Variants in TLE3 observed in about 807,000 individuals in gnomAD.
TLE3 encodes the protein transducin-like enhancer protein 3.
In TLE3, 14 loss-of-function variants were observed where a neutral mutation model predicts 93.0. That is an observed-to-expected ratio of 0.15 (90% CI 0.10 to 0.24). The LOEUF (loss-of-function observed/expected upper bound fraction) is 0.24, where lower values mean the gene tolerates loss of function less well. TLE3 is among the 10% of genes least tolerant of loss of function. The probability of loss-of-function intolerance (pLI) is 1.00; values close to 1 mark genes in which losing one functional copy is unlikely to be tolerated. For synonymous variants in TLE3, 451 were observed against 425.0 expected, an observed-to-expected ratio of 1.06 and a Z score of -0.75; for missense variants, 693 against 1,046.6, an observed-to-expected ratio of 0.66 and a Z score of 4.66.
chr15:70,059,264 C>CCCCT, intron 10 of TLE3, 146 bp downstream of exon 10: 2 of 930,400 alleles, frequency 2.1e-6, no homozygotes, highest in Non-Finnish European at 3.2e-6. Flanking sequence ...TCCTCTTGAC[C>CCCCT]CCCTGAGACC....
chr15:70,082,048 C>T (rs930473643), intron 4 of TLE3, among the ~76,000 whole-genome samples: 1 of 152,216 alleles, frequency 6.6e-6, no homozygotes, highest in Admixed American at 6.5e-5. Flanking sequence ...CAGGGAAAGG[C>T]TGGGGTGGGA....
intron 4 of TLE3, among the ~76,000 whole-genome samples, chr15:70,094,242 T>C (rs1001848826): frequency 2.0e-5 from 3 of 152,126 alleles, no homozygotes; most frequent in African/African-American, 7.2e-5. Flanking sequence ...TTCAGGAGTT[T>C]GTAAAGCAGA....
chr15:70,060,503 A>C, intron 9 of TLE3, 27 bp downstream of exon 9: 1 of 1,612,636 alleles, frequency 6.2e-7, no homozygotes, highest in Admixed American at 1.7e-5. Context: ...CAGAAACCCC[A>C]GTGGTGCCAT....
chr15:70,096,427 C>A (rs1362824676), intron 1 of TLE3, 166 bp from the exon 2 acceptor site: 14 of 1,294,234 alleles, frequency 1.1e-5, no homozygotes. Flanking sequence ...GGGGGCGCCC[C>A]ATCTCTCCCC....
At chr15:70,051,527 C>G (rs1283843055) in intron 18 of TLE3, 60 bp from the exon 19 acceptor site, 4 of 1,457,920 alleles carry the variant, frequency 2.7e-6, no homozygotes, top group Non-Finnish European at 3.8e-6. Context: ...AAAGCAAGAC[C>G]TGCCCTAGAC....
chr15:70,096,249 G>T lies in TLE3; in HGVS notation c.37C>A (p.Pro13Thr). 1.3e-6 allele frequency: 2 copies of T among 1,554,394 alleles called. No homozygotes were observed. Among genetic ancestry groups the T allele is most frequent in the Non-Finnish European group, 1.7e-6 (2 of 1,148,820 alleles). The change falls in exon 2 of 20, where the codon CCC becomes ACC. Residue 13 changes from proline (P) to threonine (T), a missense_variant. Pro to Thr is a conservative substitution (Grantham distance 38). Around this residue, in one of 4 missense-constraint regions of TLE3, gnomAD observed 31 missense variants for 24.0 expected, o/e 1.29. Transcript: ENST00000451782. ...PQGRHPAPHQ[P>T]GQPGFKFTVA... ...GTGAATTTAAATCCCGGCTGCCCGGGTTGATGGGGAGCCTGGAGCCCGCGA... is the reference window on the plus strand; with the variant it reads ...GTGAATTTAAATCCCGGCTGCCCGGTTTGATGGGGAGCCTGGAGCCCGCGA...
At chr15:70,060,114 T>C (rs1463321440) in intron 9 of TLE3, among the ~76,000 whole-genome samples, 1 of 152,166 alleles carries the variant, frequency 6.6e-6, no homozygotes, top group Non-Finnish European at 1.5e-5. Flanking sequence ...AAAAGGCTAG[T>C]AAAAGCCATG....
At position 70,058,465 on chromosome 15, in the gene TLE3, C is replaced by T. The variant is rs2056236526; in HGVS notation, c.919-174G>A. 2.3e-6 allele frequency: 3 copies of T among 1,304,706 alleles called. No homozygotes were observed. The highest frequency in any genetic ancestry group is 2.7e-4 in the Middle Eastern group (1 of 3,640). The allele number at this position is 1,304,706 out of a possible 1,614,324, so 80.8% of individuals were successfully genotyped here. A position where few individuals can be genotyped will look rare whatever the true frequency, so the allele number is the denominator to read the frequency against. ...TGTTTGGCAGGGACTGGGGTGATCA[C>T]TCCCATTTTACAGACGTAGCAACCG... On this transcript the variant is annotated intron_variant, in intron 11 of 19. Coordinates refer to ENST00000451782, the MANE Select transcript of TLE3 (RefSeq NM_001105192.3). This position sits in a 1 kb window ranked among gnomAD's most constrained non-coding sequence, Gnocchi z 4.1.
intron 5 of TLE3, among the ~76,000 whole-genome samples, 174 bp downstream of exon 5, chr15:70,075,922 G>A (rs2057418499): frequency 6.6e-6 from 1 of 152,160 alleles, no homozygotes; most frequent in Non-Finnish European, 1.5e-5. Flanking sequence ...ATGGCCCCCT[G>A]CCTCCAGACT....
chr15:70,074,454 G>A, intron 6 of TLE3, 79 bp downstream of exon 6: 4 of 1,517,796 alleles, frequency 2.6e-6, no homozygotes, highest in Non-Finnish European at 3.6e-6. Flanking sequence ...TAAGGTCAGG[G>A]TCAATCTCTG....
At chr15:70,078,638 T>C (rs528978780) in intron 4 of TLE3, among the ~76,000 whole-genome samples, 166 of 152,326 alleles carry the variant, frequency 1.1e-3, no homozygotes, top group African/African-American at 3.8e-3. Flanking sequence ...CCGTGGTGGA[T>C]GGAGTGTTGA....
rs2058612794 is a variant in TLE3 at position 70,097,383 on chromosome 15, G to A, written c.-585C>T. 7.4e-6 allele frequency: 3 copies of A among 408,152 alleles called. No individual in the cohort carries two copies. The highest frequency in any genetic ancestry group is 9.0e-5 in the South Asian group (1 of 11,138). The allele number at this position is 408,152 out of a possible 1,614,324, so 25.3% of individuals were successfully genotyped here. A position where few individuals can be genotyped will look rare whatever the true frequency, so the allele number is the denominator to read the frequency against. ...CAGGAGCGCCGGAGGGTGAGGGCGGGAGCCCGGCGCGGGCGCTTCGACGCC... is the reference window on the plus strand; with the variant it reads ...CAGGAGCGCCGGAGGGTGAGGGCGGAAGCCCGGCGCGGGCGCTTCGACGCC... On this transcript the variant is annotated 5_prime_UTR_variant, in exon 1 of 20. Coordinates refer to ENST00000451782, the MANE Select transcript of TLE3 (RefSeq NM_001105192.3).
At chr15:70,086,777 C>T (rs931066020) in intron 4 of TLE3, among the ~76,000 whole-genome samples, 3 of 152,274 alleles carry the variant, frequency 2.0e-5, no homozygotes, top group East Asian at 1.9e-4. Flanking sequence ...CATGGCAAGC[C>T]GAGTTTACCA....
intron 8 of TLE3, 45 bp from the exon 9 acceptor site, chr15:70,060,694 G>T (rs766648508): frequency 2.5e-6 from 4 of 1,605,974 alleles, no homozygotes; most frequent in South Asian, 2.2e-5. Flanking sequence ...TCTGCTGCGT[G>T]TAACAATTCA....
chr15:70,064,352 A>C, intron 8 of TLE3, 102 bp downstream of exon 8: 6 of 1,431,232 alleles, frequency 4.2e-6, no homozygotes, highest in Non-Finnish European at 5.8e-6. Flanking sequence ...CCAGCTTTGG[A>C]TACCGACTGA....
intron 4 of TLE3, among the ~76,000 whole-genome samples, chr15:70,089,487 C>T (rs1371020756): frequency 2.0e-5 from 3 of 152,148 alleles, no homozygotes; most frequent in African/African-American, 7.2e-5. Flanking sequence ...GCCTGCAGAG[C>T]GGGCGGCCAG....
At chr15:70,060,495 GA>G (rs1168954290) in intron 9 of TLE3, 34 bp downstream of exon 9, 4 of 1,611,938 alleles carry the variant, frequency 2.5e-6, no homozygotes, top group Non-Finnish European at 3.4e-6. Flanking sequence ...CTACCCAACA[GA>G]AACCCCAGTG....
intron 4 of TLE3, 148 bp downstream of exon 4, chr15:70,094,383 AT>A (rs2058449925): frequency 1.6e-6 from 1 of 635,784 alleles, no homozygotes; most frequent in Non-Finnish European, 2.7e-6. Context: ...CAGACCTTGC[AT>A]TTCAAGGACT....
intron 4 of TLE3, among the ~76,000 whole-genome samples, chr15:70,082,786 C>T (rs1269523582): frequency 6.6e-6 from 1 of 152,276 alleles, no homozygotes; most frequent in Admixed American, 6.5e-5. Flanking sequence ...CCTTCACAGG[C>T]GGGTGAGGAT....
Sources: gnomAD v4.1 joint callset for allele counts (sites outside exome capture counted in the v4.1 genomes callset) on GRCh38, gnomAD v4.1.1 for gene constraint, gnomAD v4.1.1 regional missense constraint, Gnocchi (gnomAD v3.1) non-coding constraint, MANE v1.5 for transcripts, NCBI Gene and HGNC (gene_info 2026-07-23, HGNC 2026-07-21) for gene names.